RAP1GAP2: variants seen among roughly 807,000 people sequenced by gnomAD.
RAP1GAP2 encodes the protein rap1 GTPase-activating protein 2.
A neutral mutation model predicts 95.0 loss-of-function variants in RAP1GAP2; 27 were observed. The observed-to-expected ratio is 0.28, with a 90% CI of 0.21 to 0.39. RAP1GAP2 has a LOEUF of 0.39. RAP1GAP2 is among the 10% of genes least tolerant of loss of function. The pLI is 1.00. For missense variants in RAP1GAP2, 771 were observed against 970.0 expected (o/e 0.79, Z 2.72); for synonymous variants, 373 against 380.9 (o/e 0.98, Z 0.24).
chr17:2,856,590 G>A (rs1160455544), intron 2 of RAP1GAP2, among the ~76,000 whole-genome samples: 3 of 152,216 alleles, frequency 2.0e-5, no homozygotes, highest in Non-Finnish European at 4.4e-5. Flanking sequence ...CATGGGCCAA[G>A]GGGGCAGCCA....
At chr17:2,786,052 C>T (rs931341184) in intron 1 of RAP1GAP2, among the ~76,000 whole-genome samples, 5 of 152,082 alleles carry the variant, frequency 3.3e-5, no homozygotes, top group African/African-American at 4.8e-5. Context: ...CAGGCATGTG[C>T]CACCATGCCT....
intron 2 of RAP1GAP2, among the ~76,000 whole-genome samples, chr17:2,838,892 T>G (rs914118614): frequency 6.6e-6 from 1 of 152,076 alleles, no homozygotes; most frequent in Non-Finnish European, 1.5e-5. Context: ...ACAGAGAGAG[T>G]GGGTCTCAAG....
At chr17:2,821,792 C>T (rs9914979) in intron 2 of RAP1GAP2, among the ~76,000 whole-genome samples, 29,082 of 152,040 alleles carry the variant, frequency 0.19, 4,307 homozygotes, top group African/African-American at 0.42. Flanking sequence ...CCATAGGGAA[C>T]AACGCAGGTA....
At chr17:2,885,422 G>T (rs1476871080) in intron 2 of RAP1GAP2, among the ~76,000 whole-genome samples, 1 of 152,182 alleles carries the variant, frequency 6.6e-6, no homozygotes, top group Non-Finnish European at 1.5e-5. Context: ...GAGCACCTCA[G>T]TTCATCCAGC....
intron 3 of RAP1GAP2, among the ~76,000 whole-genome samples, 164 bp from the exon 4 acceptor site, chr17:2,957,595 G>T (rs1037037739): frequency 6.6e-6 from 1 of 152,160 alleles, no homozygotes; most frequent in Non-Finnish European, 1.5e-5. Flanking sequence ...TGGCCCTCTA[G>T]CCCTGCAAAG....
In RAP1GAP2 at chr17:3,008,170, G is replaced by T. The variant is rs374597833; in HGVS notation, c.1494+25G>T. The T allele has an allele frequency of 2.5e-6, 4 of 1,613,362 alleles. No individual in the cohort carries two copies. The highest frequency in any genetic ancestry group is 3.4e-6 in the Non-Finnish European group (4 of 1,179,428). ...GGTATGAGCGTCAGAGTGACTGATGGTTGCTGTGGGGTTGGGATTGGGGAA... is the reference window on the plus strand; with the variant it reads ...GGTATGAGCGTCAGAGTGACTGATGTTTGCTGTGGGGTTGGGATTGGGGAA... On this transcript the variant is annotated intron_variant, in intron 17 of 24. Coordinates refer to ENST00000254695, the MANE Select transcript of RAP1GAP2 (RefSeq NM_015085.5). The surrounding 1 kb of genome is among the most constrained non-coding windows in gnomAD (Gnocchi z 4.2).
rs139493850 is a variant in RAP1GAP2 at position 3,015,748 on chromosome 17, C to T, written c.1495-2313C>T. Among the ~76,000 whole-genome samples, 19 of 152,008 alleles carry T rather than the reference C, an allele frequency of 1.2e-4. No individual in the cohort carries two copies. In the East Asian group the frequency reaches 3.3e-3, roughly 26 times the overall value. On this transcript the variant is annotated intron_variant, in intron 17 of 24. Coordinates refer to ENST00000254695, the MANE Select transcript of RAP1GAP2 (RefSeq NM_015085.5). ...AGGAGAATCTCTTGAACCTGGGAAG[C>T]GGAGGATGCTGTGAGCTGAGATCGT...
chr17:2,762,056 T>C (rs1335211700), intron 1 of RAP1GAP2, among the ~76,000 whole-genome samples: 1 of 143,952 alleles, frequency 6.9e-6, no homozygotes, highest in African/African-American at 2.6e-5. Flanking sequence ...TGGTGCAATC[T>C]TGGCTTACTG....
chr17:2,910,975 A>G (rs1243195677), intron 3 of RAP1GAP2, among the ~76,000 whole-genome samples: 2 of 152,226 alleles, frequency 1.3e-5, no homozygotes, highest in Non-Finnish European at 2.9e-5. Flanking sequence ...TTCAGATGAC[A>G]GGCGTGAGCC....
intron 3 of RAP1GAP2, among the ~76,000 whole-genome samples, chr17:2,954,992 T>C (rs1449440277): frequency 6.6e-6 from 1 of 152,198 alleles, no homozygotes; most frequent in Non-Finnish European, 1.5e-5. Context: ...TATTATTCCA[T>C]CGTATGGATA....
chr17:2,849,566 A>G (rs1166797168), intron 2 of RAP1GAP2, among the ~76,000 whole-genome samples: 7 of 152,148 alleles, frequency 4.6e-5, no homozygotes, highest in East Asian at 1.9e-4. Flanking sequence ...CGCTCTGTTC[A>G]TGATTAACTT....
At chr17:3,020,894 T>C (rs1209048506) in intron 19 of RAP1GAP2, among the ~76,000 whole-genome samples, 1 of 152,220 alleles carries the variant, frequency 6.6e-6, no homozygotes, top group Admixed American at 6.5e-5. Flanking sequence ...CTCACTCAAA[T>C]GGCCTGTCTT....
intron 2 of RAP1GAP2, among the ~76,000 whole-genome samples, chr17:2,847,460 T>C (rs2071639088): frequency 6.6e-6 from 1 of 152,148 alleles, no homozygotes; most frequent in African/African-American, 2.4e-5. Context: ...TAGTTGTAAT[T>C]CGTCATCTCC....
chr17:2,891,979 A>C (rs185650058), intron 2 of RAP1GAP2, among the ~76,000 whole-genome samples: 1 of 151,492 alleles, frequency 6.6e-6, no homozygotes, highest in Non-Finnish European at 1.5e-5. Context: ...ATGTGCCACC[A>C]TGCCCGGCTA....
chr17:2,849,671 G>A lies in RAP1GAP2; in HGVS notation c.80+49121G>A, dbSNP rs4550484. On this transcript the variant is annotated intron_variant, in intron 2 of 24. Coordinates refer to ENST00000254695, the MANE Select transcript of RAP1GAP2 (RefSeq NM_015085.5). ...AGAGAGACCTGGGCTGGCAGCTGCC[G>A]GGCACTTTGTTCTCTGGGACTGTGA... is the stretch of plus-strand genomic sequence containing the variant. 2.0e-3 allele frequency among the ~76,000 whole-genome samples: 307 copies of A among 152,228 alleles called. 1 individual carries two copies. The highest frequency in any genetic ancestry group is 6.8e-3 in the African/African-American group (284 of 41,530).
chr17:2,784,310 G>A (rs1226410071), intron 1 of RAP1GAP2, among the ~76,000 whole-genome samples: 3 of 149,320 alleles, frequency 2.0e-5, no homozygotes, highest in Non-Finnish European at 3.0e-5. Context: ...TCGCTCTGTC[G>A]CCCAGGCTGG....
intron 1 of RAP1GAP2, among the ~76,000 whole-genome samples, chr17:2,767,574 C>T (rs2068300864): frequency 6.8e-6 from 1 of 146,232 alleles, no homozygotes; most frequent in African/African-American, 2.6e-5. Context: ...TCCCTGCCCC[C>T]TTTTTAATGT....
At chr17:3,028,964 T>A (rs1022894569) in intron 22 of RAP1GAP2, among the ~76,000 whole-genome samples, 3 of 152,142 alleles carry the variant, frequency 2.0e-5, no homozygotes, top group Non-Finnish European at 2.9e-5. Flanking sequence ...CATGCCCGGC[T>A]AATTTTTTTA....
intron 1 of RAP1GAP2, among the ~76,000 whole-genome samples, chr17:2,779,439 C>A (rs2068584860): frequency 6.6e-6 from 1 of 152,202 alleles, no homozygotes; most frequent in African/African-American, 2.4e-5. Flanking sequence ...AAGACCCCTC[C>A]CGGTCATAGG....
Sources: allele counts gnomAD v4.1 joint callset (sites outside exome capture counted in the v4.1 genomes callset), GRCh38; gene constraint gnomAD v4.1.1; non-coding constraint Gnocchi (gnomAD v3.1); transcripts MANE v1.5; gene names NCBI Gene and HGNC (gene_info 2026-07-23, HGNC 2026-07-21).